VKORC1L1: variants seen among roughly 807,000 people sequenced by gnomAD.
VKORC1L1 encodes vitamin K epoxide reductase complex subunit 1L1, also known as vitamin K epoxide reductase complex subunit 1-like protein 1.
VKORC1L1 carries 2 observed loss-of-function variants against 18.9 expected under a neutral mutation model. The ratio of observed to expected loss-of-function variants is 0.11; its 90% CI spans 0.04 to 0.33. The LOEUF (loss-of-function observed/expected upper bound fraction) is 0.33, where lower values mean the gene tolerates loss of function less well. Among genes scored for constraint, VKORC1L1 ranks in the 10% least tolerant of loss-of-function variants. VKORC1L1 has a pLI of 1.00. For missense variants in VKORC1L1, 123 were observed against 224.1 expected, an observed-to-expected ratio of 0.55 and a Z score of 2.88; for synonymous variants, 96 against 100.0, an observed-to-expected ratio of 0.96 and a Z score of 0.24.
At position 65,900,042 on chromosome 7, in the gene VKORC1L1, C is replaced by CGTGTGTGTGTGT. The variant is rs58269522; in HGVS notation, c.194+26512_194+26523dup. 1.1e-4 allele frequency among the ~76,000 whole-genome samples: 15 copies of CGTGTGTGTGTGT among 140,978 alleles called. No individual in the cohort carries two copies. In the South Asian group the frequency reaches 1.4e-3, roughly 13 times the overall value. 92.5% of individuals were successfully genotyped at this position (140,978 alleles called of 152,430 possible). On this transcript the variant is annotated intron_variant, in intron 1 of 2. Coordinates refer to ENST00000360768, the MANE Select transcript of VKORC1L1 (RefSeq NM_173517.6). ...TTGTGCGTGTGTGCATGTGCACGCA[C>CGTGTGTGTGTGT]GTGTGTGTGTGTGTGTGTGTGTGTG... is the stretch of plus-strand genomic sequence containing the variant.
At chr7:65,925,352 G>A (rs56291018) in intron 1 of VKORC1L1, among the ~76,000 whole-genome samples, 16,922 of 151,988 alleles carry the variant, frequency 0.11, 1,093 homozygotes, top group Middle Eastern at 0.2. Flanking sequence ...TTCAATCTTC[G>A]GATCCATCTT....
At chr7:65,909,777 G>A (rs1015101399) in intron 1 of VKORC1L1, among the ~76,000 whole-genome samples, 9 of 147,496 alleles carry the variant, frequency 6.1e-5, no homozygotes, top group Non-Finnish European at 1.3e-4. Flanking sequence ...GAGTGCAGTG[G>A]TGCAATCTCA....
chr7:65,885,063 A>G (rs567674857), intron 1 of VKORC1L1, among the ~76,000 whole-genome samples: 26 of 152,256 alleles, frequency 1.7e-4, no homozygotes, highest in African/African-American at 6.0e-4. Flanking sequence ...TCCCATTCTG[A>G]TATTGTGTAA....
intron 1 of VKORC1L1, among the ~76,000 whole-genome samples, chr7:65,891,296 C>G (rs1789107579): frequency 6.6e-6 from 1 of 151,940 alleles, no homozygotes; most frequent in African/African-American, 2.4e-5. Context: ...GTGTATATAT[C>G]TAGGAGTGGA....
chr7:65,905,281 GT>G (rs1163596001), intron 1 of VKORC1L1, among the ~76,000 whole-genome samples: 18 of 152,028 alleles, frequency 1.2e-4, no homozygotes, highest in Non-Finnish European at 2.5e-4. Flanking sequence ...TGTCACATAA[GT>G]TGTTTTAAAT....
chr7:65,922,187 A>T (rs373111080), intron 1 of VKORC1L1, among the ~76,000 whole-genome samples: 1 of 103,922 alleles, frequency 9.6e-6, no homozygotes, highest in African/African-American at 3.0e-5. Flanking sequence ...TTTGTTTGAC[A>T]TAGTATTCAT....
upstream of VKORC1L1, among the ~76,000 whole-genome samples, chr7:65,868,925 A>C (rs1312876068): frequency 6.6e-6 from 1 of 151,876 alleles, no homozygotes; most frequent in Non-Finnish European, 1.5e-5. Context: ...TGCATATAGC[A>C]CTCCACAATA....
intron 1 of VKORC1L1, among the ~76,000 whole-genome samples, chr7:65,916,357 T>C (rs1269069646): frequency 1.3e-5 from 2 of 152,148 alleles, no homozygotes; most frequent in African/African-American, 4.8e-5. Flanking sequence ...TTATTCTTAT[T>C]GACACCCAGA....
At chr7:65,945,500 C>T (rs1790105557) in intron 1 of VKORC1L1, among the ~76,000 whole-genome samples, 1 of 151,140 alleles carries the variant, frequency 6.6e-6, no homozygotes, top group Non-Finnish European at 1.5e-5. Flanking sequence ...TAGTCCCAGC[C>T]ACTTGGGAGG....
rs1034139190 is a variant in VKORC1L1, at chr7:65,957,816, G to A, written c.*3516G>A. On this transcript the variant is annotated 3_prime_UTR_variant, in exon 3 of 3. Coordinates refer to ENST00000360768, the MANE Select transcript of VKORC1L1 (RefSeq NM_173517.6). ...CATTGCACTCCAGCCTGGGCAATGA[G>A]TGAAACTCTGTCTCAAATAAAAAAA... The A allele has an allele frequency of 3.6e-4, 55 of 152,184 alleles. No individual in the cohort carries two copies. Among genetic ancestry groups the A allele is most frequent in the African/African-American group, 1.3e-3 (55 of 41,448 alleles). The allele number at this position is 152,184 out of a possible 1,614,324, so 9.4% of individuals were successfully genotyped here. A position where few individuals can be genotyped will look rare whatever the true frequency, so the allele number is the denominator to read the frequency against.
At chr7:65,875,606 A>G (rs1310713684) in intron 1 of VKORC1L1, among the ~76,000 whole-genome samples, 2 of 152,026 alleles carry the variant, frequency 1.3e-5, no homozygotes, top group Non-Finnish European at 2.9e-5. Context: ...TTTGGTAGAG[A>G]CGGGGTTTCA....
At chr7:65,894,339 T>C (rs1789156792) in intron 1 of VKORC1L1, among the ~76,000 whole-genome samples, 1 of 152,162 alleles carries the variant, frequency 6.6e-6, no homozygotes, top group African/African-American at 2.4e-5. Context: ...ATAGACATAA[T>C]TTCTCCATGT....
chr7:65,893,994 G>T (rs1789149160), intron 1 of VKORC1L1, among the ~76,000 whole-genome samples: 6 of 151,100 alleles, frequency 4.0e-5, no homozygotes, highest in Admixed American at 4.0e-4. Flanking sequence ...CGCTCCTGTT[G>T]CCCAGGCTGG....
At chr7:65,938,420 AG>A (rs1298126567) in intron 1 of VKORC1L1, among the ~76,000 whole-genome samples, 1 of 152,216 alleles carries the variant, frequency 6.6e-6, no homozygotes, top group Non-Finnish European at 1.5e-5. Flanking sequence ...AAAGAAAATT[AG>A]AGGGCCAACA....
chr7:65,890,990 C>T (rs183468403), intron 1 of VKORC1L1, among the ~76,000 whole-genome samples: 1 of 152,252 alleles, frequency 6.6e-6, no homozygotes, highest in Admixed American at 6.5e-5. Flanking sequence ...TCTAACCACA[C>T]TGTTTTGACT....
chr7:65,906,857 C>A (rs1319998736), intron 1 of VKORC1L1, among the ~76,000 whole-genome samples: 4 of 152,148 alleles, frequency 2.6e-5, no homozygotes, highest in Non-Finnish European at 5.9e-5. Flanking sequence ...CCATAGGAGG[C>A]TATAACCTGG....
At chr7:65,871,689 T>C (rs972116262), upstream of VKORC1L1, among the ~76,000 whole-genome samples, 4 of 152,254 alleles carry the variant, frequency 2.6e-5, no homozygotes, top group Admixed American at 1.3e-4. Flanking sequence ...GGAAATGATG[T>C]CTCCAGCCAA....
intron 1 of VKORC1L1, among the ~76,000 whole-genome samples, chr7:65,892,872 A>G (rs1162846719): frequency 4.6e-5 from 7 of 152,194 alleles, no homozygotes; most frequent in East Asian, 1.9e-4. Context: ...TATTTCAGCA[A>G]TTCTCAAAGT....
At chr7:65,919,658 C>G (rs573303778) in intron 1 of VKORC1L1, among the ~76,000 whole-genome samples, 1 of 152,324 alleles carries the variant, frequency 6.6e-6, no homozygotes, top group East Asian at 1.9e-4. Flanking sequence ...TCTAAGCTAC[C>G]ATGCTCTCTG....
Sources: allele counts gnomAD v4.1 joint callset (sites outside exome capture counted in the v4.1 genomes callset), GRCh38; gene constraint gnomAD v4.1.1; transcripts MANE v1.5; gene names NCBI Gene and HGNC (gene_info 2026-07-23, HGNC 2026-07-21).